The following EYS variants were observed in gnomAD, a reference collection of about 807,000 sequenced individuals.
The protein encoded by EYS is protein eyes shut homolog.
Under a neutral mutation model 282.1 loss-of-function variants are expected in EYS, and 250 were observed. The observed-to-expected ratio is 0.89, with a 90% CI of 0.80 to 0.98. The LOEUF is 0.98. Ranked by LOEUF, EYS falls within the 50% of genes least tolerant of loss-of-function variation. EYS has a pLI of 0.00. For synonymous variants in EYS, 1,355 were observed against 1,282.9 expected, an observed-to-expected ratio of 1.06 and a Z score of -1.20; for missense variants, 4,016 against 3,709.0, an observed-to-expected ratio of 1.08 and a Z score of -2.15.
At chr6:64,150,564 C>G (rs1447234231) in intron 31 of EYS, among the ~76,000 whole-genome samples, 1 of 151,930 alleles carries the variant, frequency 6.6e-6, no homozygotes, top group Non-Finnish European at 1.5e-5. Flanking sequence ...ACTAAATTTC[C>G]TTTTTCAGAT....
chr6:65,356,148 A>G (rs1764475428), intron 8 of EYS, among the ~76,000 whole-genome samples: 1 of 152,082 alleles, frequency 6.6e-6, no homozygotes, highest in South Asian at 2.1e-4. Context: ...ACATACACAC[A>G]ATGGAATACT....
chr6:64,705,702 T>A (rs1020754457), intron 22 of EYS, among the ~76,000 whole-genome samples: 48 of 151,280 alleles, frequency 3.2e-4, no homozygotes, highest in African/African-American at 1.0e-3. Context: ...TTGGAAATCG[T>A]CATTCTCAGT....
intron 12 of EYS, among the ~76,000 whole-genome samples, chr6:65,229,804 T>C (rs1276656937): frequency 6.6e-6 from 1 of 151,974 alleles, no homozygotes; most frequent in Non-Finnish European, 1.5e-5. Context: ...GTTTGCTGTG[T>C]CCATTTTAGA....
intron 14 of EYS, among the ~76,000 whole-genome samples, chr6:64,989,441 G>A (rs1300059376): frequency 1.3e-5 from 1 of 78,102 alleles, no homozygotes; most frequent in East Asian, 2.9e-4. Flanking sequence ...AACAGGAAGA[G>A]GCTATTTACT....
At chr6:64,632,286 T>C (rs1477798478) in intron 22 of EYS, among the ~76,000 whole-genome samples, 1 of 129,810 alleles carries the variant, frequency 7.7e-6, no homozygotes. Context: ...CAACTACATA[T>C]AACTTATTTT....
chr6:64,985,713 A>G (rs1168931650), intron 14 of EYS, among the ~76,000 whole-genome samples: 1 of 151,566 alleles, frequency 6.6e-6, no homozygotes, highest in Admixed American at 6.6e-5. Context: ...TGATTCTTTT[A>G]CTATAAATAT....
At chr6:64,711,020 G>A (rs36118226) in intron 22 of EYS, among the ~76,000 whole-genome samples, 2,169 of 152,284 alleles carry the variant, frequency 0.014, 31 homozygotes, top group Non-Finnish European at 0.024. Flanking sequence ...ATGCCGTACC[G>A]TAAGACAGAG....
At chr6:64,252,565 A>C (rs1353807825) in intron 30 of EYS, among the ~76,000 whole-genome samples, 1 of 152,118 alleles carries the variant, frequency 6.6e-6, no homozygotes, top group East Asian at 1.9e-4. Context: ...CTTACTATTA[A>C]GTTTAATCTT....
chr6:65,363,413 C>T (rs1011859165), intron 8 of EYS, among the ~76,000 whole-genome samples: 2 of 151,836 alleles, frequency 1.3e-5, no homozygotes, highest in African/African-American at 4.8e-5. Context: ...AGATAACCAA[C>T]ATTGACTCTA....
chr6:65,650,103 G>GT (rs1332179499), intron 1 of EYS, among the ~76,000 whole-genome samples: 2 of 152,160 alleles, frequency 1.3e-5, no homozygotes, highest in East Asian at 1.9e-4. Flanking sequence ...AGGGAAAGCA[G>GT]TTTTTTATCT....
chr6:65,343,782 A>C (rs1770286775), intron 10 of EYS, among the ~76,000 whole-genome samples: 1 of 151,504 alleles, frequency 6.6e-6, no homozygotes, highest in Non-Finnish European at 1.5e-5. Flanking sequence ...AAATTATAAC[A>C]TTAATAAAAA....
intron 26 of EYS, among the ~76,000 whole-genome samples, chr6:64,480,465 A>G (rs1169588480): frequency 6.6e-6 from 1 of 151,854 alleles, no homozygotes; most frequent in Non-Finnish European, 1.5e-5. Context: ...CATCCTTAAA[A>G]ATGGGAAGAG....
At chr6:64,641,248 G>A (rs920637416) in intron 22 of EYS, among the ~76,000 whole-genome samples, 1 of 152,146 alleles carries the variant, frequency 6.6e-6, no homozygotes, top group Non-Finnish European at 1.5e-5. Context: ...CAAAGAGAGA[G>A]TTTGTACAGG....
At chr6:65,083,139 C>T (rs184972067) in intron 12 of EYS, among the ~76,000 whole-genome samples, 12 of 152,084 alleles carry the variant, frequency 7.9e-5, no homozygotes, top group African/African-American at 2.4e-4. Context: ...GACAGCTCCA[C>T]TGAAGCAGGA....
At chr6:64,092,851 T>C (rs1772422605) in intron 31 of EYS, among the ~76,000 whole-genome samples, 1 of 151,802 alleles carries the variant, frequency 6.6e-6, no homozygotes, top group South Asian at 2.1e-4. Flanking sequence ...TGAATGGTAT[T>C]GCCTAGGTTT....
At chr6:64,181,865 G>C (rs975049889) in intron 31 of EYS, among the ~76,000 whole-genome samples, 2 of 152,046 alleles carry the variant, frequency 1.3e-5, no homozygotes, top group African/African-American at 4.8e-5. Flanking sequence ...ATTCATTTTT[G>C]TTCGAAATAT....
intron 26 of EYS, among the ~76,000 whole-genome samples, chr6:64,569,155 C>T (rs1033697793): frequency 6.6e-6 from 1 of 151,242 alleles, no homozygotes; most frequent in Non-Finnish European, 1.5e-5. Flanking sequence ...GATGAACTGA[C>T]AGAAGTAGCC....
Position 63,720,826 on chromosome 6 carries a change from C to T in EYS, c.9205G>A (p.Asp3069Asn). The T allele has an allele frequency of 6.4e-7, 1 of 1,551,128 alleles. No homozygotes were observed. Among genetic ancestry groups the T allele is most frequent in the Non-Finnish European group, 8.7e-7 (1 of 1,146,648 alleles). Residue 3069 changes from aspartate (D) to asparagine (N), a missense_variant, in exon 43 of 43, where the codon GAT (aspartate) becomes AAT (asparagine). Physicochemically the swap from Asp to Asn is conservative, Grantham distance 23. Transcript: ENST00000503581. ...ACAAAGTTTTTATGTGGATCAATAT[C>T]CTCGGAAAGAATTAGACTGTTATTT... The part of the protein sequence containing the change: ...YINNSLILSE[D>N]IDPHKNFVAL...
At chr6:63,941,595 G>T (rs1268179912) in intron 35 of EYS, among the ~76,000 whole-genome samples, 1 of 152,110 alleles carries the variant, frequency 6.6e-6, no homozygotes, top group African/African-American at 2.4e-5. Flanking sequence ...CCCCTGAATA[G>T]GTTTTTAATT....
Sources: gnomAD v4.1 joint callset for allele counts (sites outside exome capture counted in the v4.1 genomes callset) on GRCh38, gnomAD v4.1.1 for gene constraint, MANE v1.5 for transcripts, NCBI Gene and HGNC (gene_info 2026-07-23, HGNC 2026-07-21) for gene names.